COPE: variants seen among roughly 807,000 people sequenced by gnomAD.
COPE encodes coatomer subunit epsilon.
In COPE, 19 loss-of-function variants were observed where a neutral mutation model predicts 42.1. The observed-to-expected ratio is 0.45, with a 90% CI of 0.31 to 0.66. COPE has a LOEUF of 0.66. COPE is among the 30% of genes least tolerant of loss of function. The probability of loss-of-function intolerance (pLI) is 0.05; values close to 1 mark genes in which losing one functional copy is unlikely to be tolerated. For synonymous variants in COPE, 195 were observed against 181.3 expected, an observed-to-expected ratio of 1.08 and a Z score of -0.60; for missense variants, 402 against 416.1, an observed-to-expected ratio of 0.97 and a Z score of 0.30.
Position 18,899,598 on chromosome 19 carries a change from T to C in COPE, c.*81A>G. 2 of 1,501,302 alleles carry C rather than the reference T, an allele frequency of 1.3e-6. No homozygotes were observed. Among genetic ancestry groups the C allele is most frequent in the Middle Eastern group, 1.7e-4 (1 of 5,770 alleles). 93.0% of individuals were successfully genotyped at this position (1,501,302 alleles called of 1,614,324 possible). ...CTCCTGCCCCCAGAGGGGATGCAGGTGGATGCCGGGTGGGGAGGGCTGCAG... is the reference window on the plus strand; with the variant it reads ...CTCCTGCCCCCAGAGGGGATGCAGGCGGATGCCGGGTGGGGAGGGCTGCAG... On this transcript the variant is annotated 3_prime_UTR_variant, in exon 10 of 10. Transcript: ENST00000262812.
At chr19:18,916,944 C>CAAAAAA (rs34497308) in intron 1 of COPE, among the ~76,000 whole-genome samples, 15 of 68,670 alleles carry the variant, frequency 2.2e-4, no homozygotes, top group Non-Finnish European at 3.2e-4. Context: ...GATCCTGTCT[C>CAAAAAA]AAAAAAAAAA....
chr19:18,915,282 T>A (rs1357153066), intron 1 of COPE, among the ~76,000 whole-genome samples: 1 of 152,144 alleles, frequency 6.6e-6, no homozygotes, highest in African/African-American at 2.4e-5. Flanking sequence ...TGGGGCGCCA[T>A]CGGGGGCACC....
At chr19:18,906,608 G>C (rs898357115) in intron 4 of COPE, 4 of 206,382 alleles carry the variant, frequency 1.9e-5, no homozygotes, top group Non-Finnish European at 3.9e-5. Context: ...GGGCCGGTAT[G>C]GGGGGCCCGG....
At position 18,911,039 on chromosome 19, in the gene COPE, C is replaced by G; in HGVS notation, c.222G>C (p.Lys74Asn). 1 of 1,613,990 alleles carries G rather than the reference C, an allele frequency of 6.2e-7. No homozygotes were observed. Among genetic ancestry groups the G allele is most frequent in the Non-Finnish European group, 8.5e-7 (1 of 1,180,000 alleles). The change falls in exon 3 of 10, where the codon AAG becomes AAC. Residue 74 changes from lysine to asparagine, a missense_variant. By Grantham distance (94) the Lys-to-Asn change is moderately conservative. Coordinates refer to ENST00000262812, the MANE Select transcript of COPE (RefSeq NM_007263.4). ...RKFGVVLDEI[K>N]PSSAPELQAV... ...CCTGGAGCTCAGGGGCCGAGGAGGG[C>G]TTGATCTCATCCAGGACCACACCGA... is the stretch of plus-strand genomic sequence containing the variant.
rs778762147 is a variant in COPE at position 18,919,300 on chromosome 19, C to T, written c.49G>A (p.Asp17Asn). The change falls in exon 1 of 10, where the codon GAC becomes AAC. Residue 17 changes from aspartate to asparagine, a missense_variant. Asp to Asn is a conservative substitution (Grantham distance 23). Transcript: ENST00000262812. Reference protein sequence around the residue: ...GPASGGSGEVDELFDVKNAFY... With the variant: ...GPASGGSGEVNELFDVKNAFY... The stretch of plus-strand genomic sequence containing the variant: ...GCGTTCTTTACGTCGAACAGCTCGT[C>T]TACCTCCCCGGAGCCGCCGGAGGCC... The T allele has an allele frequency of 1.9e-6, 3 of 1,613,796 alleles. No individual in the cohort carries two copies. The highest frequency in any genetic ancestry group is 2.5e-6 in the Non-Finnish European group (3 of 1,180,028).
intron 7 of COPE, 86 bp from the exon 8 acceptor site, chr19:18,900,535 C>T (rs1568313237): frequency 9.6e-7 from 1 of 1,040,122 alleles, no homozygotes; most frequent in African/African-American, 1.6e-5. Context: ...GGCAGCACCA[C>T]ACAAGGTCAC....
At chr19:18,912,797 C>G (rs1178862117) in intron 2 of COPE, among the ~76,000 whole-genome samples, 187 bp downstream of exon 2, 1 of 151,712 alleles carries the variant, frequency 6.6e-6, no homozygotes, top group Non-Finnish European at 1.5e-5. Context: ...CTGGCAGTCT[C>G]AGGCCTCCGT....
At chr19:18,900,104 G>T (rs78547683) in intron 8 of COPE, 157 bp from the exon 9 acceptor site, 2 of 645,224 alleles carry the variant, frequency 3.1e-6, no homozygotes, top group Non-Finnish European at 5.2e-6. Context: ...CCTTCAGGGT[G>T]GGGGTGGAGG....
chr19:18,911,575 G>A (rs867695987), intron 2 of COPE, among the ~76,000 whole-genome samples: 13 of 150,732 alleles, frequency 8.6e-5, no homozygotes, highest in Admixed American at 5.3e-4. Context: ...TTTTCGAGAC[G>A]GAGTCTCGCT....
intron 1 of COPE, among the ~76,000 whole-genome samples, chr19:18,914,041 C>T (rs1478835383): frequency 6.6e-6 from 1 of 152,156 alleles, no homozygotes; most frequent in East Asian, 1.9e-4. Flanking sequence ...ACTCAGGCTG[C>T]CATTGCCAAG....
Position 18,902,769 on chromosome 19 carries a change from GAAAGA to G in COPE, c.735+494_735+498del, listed in dbSNP as rs1568314823. Among the ~76,000 whole-genome samples the G allele has an allele frequency of 9.6e-5, 2 of 20,888 alleles. 1 individual carries two copies. The highest frequency in any genetic ancestry group is 1.4e-3 in the Admixed American group (2 of 1,402). The allele number at this position is 20,888 out of a possible 152,430, so 13.7% of individuals were successfully genotyped here. A position where few individuals can be genotyped will look rare whatever the true frequency, so the allele number is the denominator to read the frequency against. On this transcript the variant is annotated intron_variant, in intron 7 of 9. Coordinates refer to ENST00000262812, the MANE Select transcript of COPE (RefSeq NM_007263.4). ...AAGGAAAGGAAGGAAGGAAGGAAGGGAAAGAAGGAAGGAAGGAAGGAAGGAAGGAA... is the reference window on the plus strand; with the variant it reads ...AAGGAAAGGAAGGAAGGAAGGAAGGGAGGAAGGAAGGAAGGAAGGAAGGAA...
chr19:18,918,586 G>C (rs576331503), intron 1 of COPE, among the ~76,000 whole-genome samples: 2 of 152,200 alleles, frequency 1.3e-5, no homozygotes, highest in South Asian at 4.2e-4. Context: ...ACAAGTGCCC[G>C]CCACCACGCC....
Position 18,907,002 on chromosome 19 carries a change from T to G in COPE, c.401A>C (p.Asp134Ala), listed in dbSNP as rs1337447754. The change falls in exon 4 of 10, where the codon GAT becomes GCT. Residue 134 changes from aspartate to alanine, a missense_variant. Coordinates refer to ENST00000262812, the MANE Select transcript of COPE (RefSeq NM_007263.4). The part of the protein sequence containing the change: ...ASIYLHDQNP[D>A]AALRALHQGD... Reference sequence around the variant, plus strand: ...CTGGTGCAGCGCACGCAGGGCGGCATCCGGGTTCTGGTCGTGGAGATAGAT... The same window carrying G: ...CTGGTGCAGCGCACGCAGGGCGGCAGCCGGGTTCTGGTCGTGGAGATAGAT... The G allele has an allele frequency of 2.5e-6, 4 of 1,586,798 alleles. No individual in the cohort carries two copies. Among genetic ancestry groups the G allele is most frequent in the Non-Finnish European group, 3.4e-6 (4 of 1,166,900 alleles).
At position 18,911,018 on chromosome 19, in the gene COPE, G is replaced by A; in HGVS notation, c.243C>T (p.Leu81=). The A allele has an allele frequency of 6.2e-7, 1 of 1,614,000 alleles. No individual in the cohort carries two copies. The highest frequency in any genetic ancestry group is 8.5e-7 in the Non-Finnish European group (1 of 1,180,008). Residue 81 remains leucine (L), a synonymous_variant, in exon 3 of 10, where the codon CTC becomes CTT. Coordinates refer to ENST00000262812, the MANE Select transcript of COPE (RefSeq NM_007263.4). ...DEIKPSSAPE[L]QAVRMFADYL... The stretch of plus-strand genomic sequence containing the variant: ...AGTCAGCAAACATGCGCACGGCCTG[G>A]AGCTCAGGGGCCGAGGAGGGCTTGA...
intron 8 of COPE, 191 bp from the exon 9 acceptor site, chr19:18,900,138 C>A: frequency 1.6e-6 from 1 of 624,548 alleles, no homozygotes; most frequent in South Asian, 2.0e-5. Flanking sequence ...CCTGGAGAGG[C>A]GCTGGCATGG....
At chr19:18,904,044 CA>C (rs762868744) in intron 6 of COPE, among the ~76,000 whole-genome samples, 1 of 152,228 alleles carries the variant, frequency 6.6e-6, no homozygotes, top group Non-Finnish European at 1.5e-5. Context: ...TGGCTCACCG[CA>C]ACCTCCACCT....
intron 4 of COPE, chr19:18,906,196 T>C (rs28635727): frequency 2.7e-6 from 1 of 368,512 alleles, no homozygotes; most frequent in African/African-American, 2.1e-5. Flanking sequence ...ATTTATTTTC[T>C]TTTTTGTGTG....
chr19:18,902,331 T>C (rs1205570743), intron 7 of COPE, among the ~76,000 whole-genome samples: 1 of 150,200 alleles, frequency 6.7e-6, no homozygotes, highest in Non-Finnish European at 1.5e-5. Context: ...TTACAAAATA[T>C]ATATATATTT....
At position 18,911,036 on chromosome 19, in the gene COPE, G is replaced by A. The variant is rs137876286; in HGVS notation, c.225C>T (p.Pro75=). 1.4e-5 allele frequency: 22 copies of A among 1,614,030 alleles called. No homozygotes were observed. In the African/African-American group the frequency reaches 2.7e-4, roughly 20 times the overall value. Reference sequence around the variant, plus strand: ...CGGCCTGGAGCTCAGGGGCCGAGGAGGGCTTGATCTCATCCAGGACCACAC... The same window carrying A: ...CGGCCTGGAGCTCAGGGGCCGAGGAAGGCTTGATCTCATCCAGGACCACAC... ...KFGVVLDEIK[P]SSAPELQAVR... The change falls in exon 3 of 10, where the codon CCC becomes CCT. Residue 75 remains proline, a synonymous_variant. Transcript: ENST00000262812.
Sources: allele counts gnomAD v4.1 joint callset (sites outside exome capture counted in the v4.1 genomes callset), GRCh38; gene constraint gnomAD v4.1.1; transcripts MANE v1.5; gene names NCBI Gene and HGNC (gene_info 2026-07-23, HGNC 2026-07-21).